The following CPNE4 variants were observed in gnomAD, a reference collection of about 807,000 sequenced individuals.
CPNE4 encodes copine-4.
CPNE4 carries 25 observed loss-of-function variants against 67.9 expected under a neutral mutation model. The ratio of observed to expected loss-of-function variants is 0.37; its 90% CI spans 0.27 to 0.51. The LOEUF (loss-of-function observed/expected upper bound fraction) is 0.51. Ranked by LOEUF, CPNE4 falls within the 20% of genes least tolerant of loss-of-function variation. The pLI, the probability that CPNE4 is intolerant of heterozygous loss-of-function variation, is 0.93. For synonymous variants in CPNE4, 242 were observed against 244.9 expected, an observed-to-expected ratio of 0.99 and a Z score of 0.11; for missense variants, 464 against 690.8, an observed-to-expected ratio of 0.67 and a Z score of 3.68.
chr3:131,672,521 G>C (rs2080445041), intron 6 of CPNE4, among the ~76,000 whole-genome samples: 1 of 151,932 alleles, frequency 6.6e-6, no homozygotes. Context: ...ATCCAAAAAA[G>C]TTAATATTAA....
intron 7 of CPNE4, among the ~76,000 whole-genome samples, chr3:131,646,136 A>G (rs2079657527): frequency 6.6e-6 from 1 of 152,226 alleles, no homozygotes; most frequent in South Asian, 2.1e-4. Context: ...GTCATTTCAT[A>G]CTGGTCTAGG....
chr3:131,704,344 A>T (rs996997808), intron 3 of CPNE4, among the ~76,000 whole-genome samples: 1 of 152,184 alleles, frequency 6.6e-6, no homozygotes, highest in African/African-American at 2.4e-5. Flanking sequence ...TTGGAAGCAG[A>T]TCTCAACCAG....
chr3:131,650,602 G>A (rs940920125), intron 7 of CPNE4, among the ~76,000 whole-genome samples: 53 of 150,028 alleles, frequency 3.5e-4, no homozygotes, highest in Non-Finnish European at 6.8e-4. Context: ...AAAATTAGCC[G>A]GGCGTGGTGG....
At chr3:131,812,234 A>C (rs944176412) in intron 2 of CPNE4, among the ~76,000 whole-genome samples, 1 of 149,306 alleles carries the variant, frequency 6.7e-6, no homozygotes, top group East Asian at 2.0e-4. Flanking sequence ...AAAAAAAAAA[A>C]CAGGAAGCAT....
intron 2 of CPNE4, among the ~76,000 whole-genome samples, chr3:131,796,469 G>T (rs188305623): frequency 5.6e-4 from 86 of 152,278 alleles, no homozygotes; most frequent in South Asian, 1.5e-3. Context: ...ACAGCTTTCT[G>T]CAAAGAGGAC....
At chr3:131,992,759 A>T (rs1318305836) in intron 1 of CPNE4, among the ~76,000 whole-genome samples, 1 of 135,858 alleles carries the variant, frequency 7.4e-6, no homozygotes, top group East Asian at 2.4e-4. Context: ...TGTCAGAGGG[A>T]CCTGGTGGGA....
At position 131,671,051 on chromosome 3, in the gene CPNE4, G is replaced by A. The variant is rs554973602; in HGVS notation, c.592-1287C>T. 2.0e-3 allele frequency among the ~76,000 whole-genome samples: 300 copies of A among 152,274 alleles called. 2 individuals are homozygous for A. The highest frequency in any genetic ancestry group is 5.6e-3 in the African/African-American group (234 of 41,538). On this transcript the variant is annotated intron_variant, in intron 6 of 15. Coordinates refer to ENST00000429747, the MANE Select transcript of CPNE4 (RefSeq NM_130808.3). ...GATCCACCCACCTCGGCCTCCCAGAGTGCTGGGATTACAAGCGTGAGCCAC... is the reference window on the plus strand; with the variant it reads ...GATCCACCCACCTCGGCCTCCCAGAATGCTGGGATTACAAGCGTGAGCCAC...
chr3:131,785,653 C>CTT (rs1426540381), intron 2 of CPNE4, among the ~76,000 whole-genome samples: 2 of 133,430 alleles, frequency 1.5e-5, no homozygotes, highest in African/African-American at 5.8e-5. Context: ...CCAGCACTCT[C>CTT]TCTCTCTCTT....
chr3:131,809,933 A>C (rs1404258470), intron 2 of CPNE4, among the ~76,000 whole-genome samples: 1 of 152,070 alleles, frequency 6.6e-6, no homozygotes, highest in Non-Finnish European at 1.5e-5. Context: ...AAAAGAATTG[A>C]AAAGGAGTCA....
At chr3:131,575,203 G>C in intron 9 of CPNE4, 73 bp from the exon 10 acceptor site, 2 of 1,286,646 alleles carry the variant, frequency 1.6e-6, no homozygotes, top group Non-Finnish European at 2.3e-6. Context: ...AGGCCTAAAG[G>C]TTGGTGACTG....
intron 1 of CPNE4, among the ~76,000 whole-genome samples, chr3:131,926,858 G>T (rs1359850432): frequency 6.6e-6 from 1 of 152,072 alleles, no homozygotes; most frequent in Non-Finnish European, 1.5e-5. Flanking sequence ...TTTAAAGCAG[G>T]CAATAGAAAG....
chr3:131,840,006 A>G (rs1177978085), intron 2 of CPNE4, among the ~76,000 whole-genome samples: 1 of 152,202 alleles, frequency 6.6e-6, no homozygotes, highest in East Asian at 1.9e-4. Context: ...TTTAATGTCC[A>G]ATCAGGAGGA....
chr3:131,700,052 ACC>A, intron 3 of CPNE4, 72 bp from the exon 4 acceptor site: 1 of 643,992 alleles, frequency 1.6e-6, no homozygotes, highest in South Asian at 2.3e-5. Context: ...TATTTTTTAA[ACC>A]TTTTTTTTTT....
intron 6 of CPNE4, among the ~76,000 whole-genome samples, chr3:131,677,808 A>C (rs1183069371): frequency 6.6e-6 from 1 of 152,166 alleles, no homozygotes; most frequent in African/African-American, 2.4e-5. Context: ...TTCTTATACC[A>C]GTACCATGCT....
intron 7 of CPNE4, among the ~76,000 whole-genome samples, chr3:131,665,464 G>C (rs1229598174): frequency 1.3e-5 from 2 of 152,104 alleles, no homozygotes; most frequent in East Asian, 1.9e-4. Context: ...TTTGAGACCA[G>C]CCTGGCCAAC....
intron 2 of CPNE4, among the ~76,000 whole-genome samples, chr3:131,849,432 A>G (rs1232741578): frequency 6.6e-6 from 1 of 152,090 alleles, no homozygotes; most frequent in African/African-American, 2.4e-5. Context: ...ACATGGCCAG[A>G]CGGGAAGAAT....
intron 10 of CPNE4, among the ~76,000 whole-genome samples, chr3:131,569,528 C>T (rs1937223583): frequency 6.6e-6 from 1 of 151,722 alleles, no homozygotes; most frequent in South Asian, 2.1e-4. Context: ...GTCCCAGCTA[C>T]TCAGGAGGCT....
chr3:131,545,801 C>T (rs1031336262), intron 14 of CPNE4, among the ~76,000 whole-genome samples: 2 of 152,152 alleles, frequency 1.3e-5, no homozygotes, highest in East Asian at 1.9e-4. Context: ...CAGTGGCTCA[C>T]GCCTGTAATC....
In CPNE4 at chr3:131,606,997, A is replaced by T. The variant is rs201140216; in HGVS notation, c.682-19415T>A. 4.6e-5 allele frequency among the ~76,000 whole-genome samples: 7 copies of T among 151,378 alleles called. No individual in the cohort carries two copies. In the East Asian group the frequency reaches 1.4e-3, roughly 29 times the overall value. On this transcript the variant is annotated intron_variant, in intron 7 of 15. Coordinates refer to ENST00000429747, the MANE Select transcript of CPNE4 (RefSeq NM_130808.3). ...CTTAGTTATCTAGTGTGAGAAAAAC[A>T]GCTTGGAAGTTCCTCGATGAAACAA...
Sources: allele counts gnomAD v4.1 joint callset (sites outside exome capture counted in the v4.1 genomes callset), GRCh38; gene constraint gnomAD v4.1.1; transcripts MANE v1.5; gene names NCBI Gene and HGNC (gene_info 2026-07-23, HGNC 2026-07-21).